Variants in WDR88 observed in about 807,000 individuals in gnomAD.
WDR88 encodes the protein WD repeat domain 88.
In WDR88, 40 loss-of-function variants were observed where a neutral mutation model predicts 46.8. That is an observed-to-expected ratio of 0.86 (90% confidence interval 0.66 to 1.11). The LOEUF (loss-of-function observed/expected upper bound fraction) is 1.11, where lower values mean the gene tolerates loss of function less well. WDR88 is among the 50% of genes most tolerant of loss of function. The pLI is 0.00. For missense variants in WDR88, 562 were observed against 602.4 expected, an observed-to-expected ratio of 0.93 and a Z score of 0.70; for synonymous variants, 235 against 240.7, an observed-to-expected ratio of 0.98 and a Z score of 0.22.
intron 2 of WDR88, 32 bp from the exon 3 acceptor site, chr19:33,144,812 C>G (rs1351064546): frequency 6.2e-7 from 1 of 1,603,022 alleles, no homozygotes; most frequent in Non-Finnish European, 8.5e-7. Flanking sequence ...GCAGTGACCA[C>G]TCTCTTCTCC....
At chr19:33,142,261 G>C (rs527483810) in intron 2 of WDR88, among the ~76,000 whole-genome samples, 1 of 152,228 alleles carries the variant, frequency 6.6e-6, no homozygotes, top group South Asian at 2.1e-4. Context: ...GGTCTCTGGA[G>C]TGGCAGCCAA....
intron 9 of WDR88, among the ~76,000 whole-genome samples, chr19:33,170,576 C>T (rs892318841): frequency 6.6e-6 from 1 of 151,752 alleles, no homozygotes; most frequent in African/African-American, 2.4e-5. Flanking sequence ...AATTGAAAAT[C>T]TTGGCTGGGC....
chr19:33,165,526 A>G (rs572753979), intron 9 of WDR88, among the ~76,000 whole-genome samples: 2 of 152,324 alleles, frequency 1.3e-5, no homozygotes, highest in Admixed American at 6.5e-5. Flanking sequence ...AAGCAAAACA[A>G]CAGGACTAGT....
At chr19:33,162,676 C>T (rs914396055) in intron 8 of WDR88, among the ~76,000 whole-genome samples, 1 of 152,072 alleles carries the variant, frequency 6.6e-6, no homozygotes, top group Non-Finnish European at 1.5e-5. Context: ...CTGAGACCAG[C>T]TGGGAATATA....
rs200570853 is a variant in WDR88 at position 33,150,767 on chromosome 19, G to C, written c.680-414G>C. On this transcript the variant is annotated intron_variant, in intron 5 of 10. Transcript: ENST00000355868. ...TTTGCCCCACACTGCTCCATGATCC[G>C]GCCCAGGCCTTTGCAAGCACTGTTC... is the stretch of plus-strand genomic sequence containing the variant. 1.3e-3 allele frequency among the ~76,000 whole-genome samples: 192 copies of C among 152,206 alleles called. 1 individual carries two copies. The Middle Eastern group carries it at 0.014, about 11-fold the overall frequency.
intron 8 of WDR88, among the ~76,000 whole-genome samples, chr19:33,161,202 A>G (rs1973860555): frequency 6.6e-6 from 1 of 152,058 alleles, no homozygotes; most frequent in African/African-American, 2.4e-5. Flanking sequence ...AAAAAACAGA[A>G]ATTACCTTGA....
At chr19:33,168,974 G>A (rs143151489) in intron 9 of WDR88, among the ~76,000 whole-genome samples, 1 of 152,168 alleles carries the variant, frequency 6.6e-6, no homozygotes, top group Non-Finnish European at 1.5e-5. Flanking sequence ...TGACGAGGGT[G>A]CCGAGACCAT....
chr19:33,173,416 G>C (rs1231890074), intron 10 of WDR88, among the ~76,000 whole-genome samples: 1 of 152,266 alleles, frequency 6.6e-6, no homozygotes, highest in African/African-American at 2.4e-5. Flanking sequence ...AGGCACAGCT[G>C]GGGCTGGCCA....
In WDR88 at chr19:33,156,541, C is replaced by T. The variant is rs947869324; in HGVS notation, c.996C>T (p.Asp332=). 2 of 1,611,706 alleles carry T rather than the reference C, an allele frequency of 1.2e-6. No homozygotes were observed. Among genetic ancestry groups the T allele is most frequent in the Middle Eastern group, 1.7e-4 (1 of 5,980 alleles). The change falls in exon 7 of 11, where the codon GAC becomes GAT. Residue 332 remains aspartate (D), a splice_region_variant and synonymous_variant. Coordinates refer to ENST00000355868, the MANE Select transcript of WDR88 (RefSeq NM_173479.4). ...TCAGTTCCTGTCACTTTGCCAGAGA[C>T]AGTGAGTAATTAACATGCAGAAGGC... The part of the protein sequence containing the change: ...GSVSSCHFAR[D]SSFLISGGFD...
At chr19:33,145,983 G>A (rs115462112) in intron 3 of WDR88, among the ~76,000 whole-genome samples, 55 of 152,306 alleles carry the variant, frequency 3.6e-4, no homozygotes, top group African/African-American at 1.2e-3. Context: ...AGACAGACAT[G>A]GGAGCAGAGA....
chr19:33,173,313 C>T (rs1974071794), intron 10 of WDR88, among the ~76,000 whole-genome samples: 1 of 152,036 alleles, frequency 6.6e-6, no homozygotes. Context: ...GGGCAGGTCC[C>T]CAGTGCCCCA....
At chr19:33,174,535 T>A (rs1228304440) in intron 10 of WDR88, 1 of 984,946 alleles carries the variant, frequency 1.0e-6, no homozygotes, top group African/African-American at 1.7e-5. Flanking sequence ...CCATTTGTTT[T>A]CAGTGTACTC....
chr19:33,159,383 T>C (rs573895799), intron 7 of WDR88, among the ~76,000 whole-genome samples: 10 of 139,180 alleles, frequency 7.2e-5, no homozygotes, highest in Admixed American at 3.6e-4. Context: ...AATAAATAAA[T>C]AACAAATAAA....
intron 7 of WDR88, among the ~76,000 whole-genome samples, chr19:33,157,555 A>ATATATATATATGTATATATATGTG (rs1568367367): frequency 1.1e-4 from 14 of 128,874 alleles, no homozygotes; most frequent in African/African-American, 4.6e-4. Context: ...ATATATGTGT[A>ATATATATATATGTATATATATGTG]TATATATATG....
chr19:33,148,652 T>C (rs1973568722), intron 4 of WDR88, 120 bp from the exon 5 acceptor site: 30 of 1,208,608 alleles, frequency 2.5e-5, no homozygotes, highest in Non-Finnish European at 2.4e-6. Flanking sequence ...TTTCCCAGGC[T>C]AGTCTCAGGC....
At position 33,132,168 on chromosome 19, in the gene WDR88, A is replaced by T. The variant is rs758032756; in HGVS notation, c.-2A>T. The T allele has an allele frequency of 1.1e-5, 17 of 1,585,894 alleles. No homozygotes were observed. The highest frequency in any genetic ancestry group is 1.5e-5 in the Non-Finnish European group (17 of 1,168,752). On this transcript the variant is annotated 5_prime_UTR_variant, in exon 1 of 11. Transcript: ENST00000355868. The stretch of plus-strand genomic sequence containing the variant: ...GCGGCCACCGGCGGACCGGGCTTCG[A>T]GATGGCCTCCCCGCCGCGGTGCTCC...
chr19:33,175,406 G>A lies in WDR88; in HGVS notation c.1253G>A (p.Cys418Tyr). Residue 418 changes from cysteine to tyrosine, a missense_variant, in exon 11 of 11, where the codon TGT becomes TAT. Cys to Tyr is a radical substitution (Grantham distance 194). Transcript: ENST00000355868. Reference sequence around the variant, plus strand: ...AATATCCCATGTCAGTGCGAAAGATGTGACAGGCCTTTCTCCATCTTCAAG... The same window carrying A: ...AATATCCCATGTCAGTGCGAAAGATATGACAGGCCTTTCTCCATCTTCAAG... ...VGLKLKQCERCDRPFSIFKSD... is the reference protein window; with the variant it reads ...VGLKLKQCERYDRPFSIFKSD... 1 of 1,614,128 alleles carries A rather than the reference G, an allele frequency of 6.2e-7. No individual in the cohort carries two copies. The highest frequency in any genetic ancestry group is 1.1e-5 in the South Asian group (1 of 91,074).
intron 6 of WDR88, among the ~76,000 whole-genome samples, chr19:33,154,413 C>T (rs1973696065): frequency 1.3e-5 from 2 of 152,040 alleles, no homozygotes; most frequent in Admixed American, 1.3e-4. Flanking sequence ...TGTGATGTTC[C>T]CCTCCCTGTG....
At chr19:33,147,594 C>A (rs774056482) in intron 3 of WDR88, 51 bp from the exon 4 acceptor site, 6 of 1,582,800 alleles carry the variant, frequency 3.8e-6, no homozygotes, top group African/African-American at 1.3e-5. Context: ...CAGAAAGACA[C>A]CCTGTCTCAA....
Sources: gnomAD v4.1 joint callset for allele counts (sites outside exome capture counted in the v4.1 genomes callset) on GRCh38, gnomAD v4.1.1 for gene constraint, MANE v1.5 for transcripts, NCBI Gene and HGNC (gene_info 2026-07-23, HGNC 2026-07-21) for gene names.